Variants in BMPR1B observed in about 807,000 individuals in gnomAD.
BMPR1B encodes the protein bone morphogenetic protein receptor type-1B.
A neutral mutation model predicts 59.1 loss-of-function variants in BMPR1B; 12 were observed. The ratio of observed to expected loss-of-function variants is 0.20; its 90% confidence interval spans 0.13 to 0.33. The LOEUF (loss-of-function observed/expected upper bound fraction) is 0.33. Among genes scored for constraint, BMPR1B ranks in the 10% least tolerant of loss-of-function variants. The pLI, the probability that BMPR1B is intolerant of heterozygous loss-of-function variation, is 1.00. For missense variants in BMPR1B, 550 were observed against 610.9 expected (o/e 0.90, Z 1.05); for synonymous variants, 237 against 207.3 (o/e 1.14, Z -1.23).
chr4:94,790,590 A>C (rs929926561), intron 1 of BMPR1B, among the ~76,000 whole-genome samples: 3 of 152,160 alleles, frequency 2.0e-5, no homozygotes, highest in Non-Finnish European at 4.4e-5. Context: ...GATGTGTTGC[A>C]ATCTAGGGGA....
At chr4:95,116,421 G>GCGCGCGCGCGCGCGCGCACACA in intron 6 of BMPR1B, among the ~76,000 whole-genome samples, 5 of 123,196 alleles carry the variant, frequency 4.1e-5, no homozygotes, top group African/African-American at 1.8e-4. Context: ...TTCAGCGCGC[G>GCGCGCGCGCGCGCGCGCACACA]CACACACACA....
At chr4:94,931,902 GGA>G (rs1265627422) in intron 2 of BMPR1B, among the ~76,000 whole-genome samples, 1 of 151,982 alleles carries the variant, frequency 6.6e-6, no homozygotes, top group African/African-American at 2.4e-5. Context: ...GGTTGGTGGG[GGA>G]GTGTGAGGTG....
At chr4:95,031,026 A>G (rs1032331215) in intron 3 of BMPR1B, among the ~76,000 whole-genome samples, 28 of 151,996 alleles carry the variant, frequency 1.8e-4, no homozygotes, top group African/African-American at 6.5e-4. Flanking sequence ...ACTACTTTAA[A>G]GTTCATATGG....
chr4:94,828,593 T>C (rs987538620), intron 1 of BMPR1B, among the ~76,000 whole-genome samples: 1 of 152,188 alleles, frequency 6.6e-6, no homozygotes, highest in Admixed American at 6.5e-5. Context: ...ACTGAAATGT[T>C]AAGAGGGCAT....
chr4:95,005,502 C>G (rs1212248936), intron 3 of BMPR1B, among the ~76,000 whole-genome samples: 1 of 152,070 alleles, frequency 6.6e-6, no homozygotes, highest in African/African-American at 2.4e-5. Flanking sequence ...TTCAGACAGC[C>G]CACCCACCCA....
chr4:94,998,934 C>T (rs6843668), intron 3 of BMPR1B, among the ~76,000 whole-genome samples: 145,554 of 152,268 alleles, frequency 0.96, 69,598 homozygotes, highest in Middle Eastern at 0.99. Flanking sequence ...TTCAACATCT[C>T]CTATTTCTCA....
chr4:94,922,680 A>G (rs1464130970), intron 2 of BMPR1B, among the ~76,000 whole-genome samples: 1 of 152,132 alleles, frequency 6.6e-6, no homozygotes, highest in Non-Finnish European at 1.5e-5. Context: ...ATTAGTAAGC[A>G]TGCACTGACT....
At chr4:94,762,459 G>T (rs1281500676) in intron 1 of BMPR1B, among the ~76,000 whole-genome samples, 1 of 152,160 alleles carries the variant, frequency 6.6e-6, no homozygotes, top group Non-Finnish European at 1.5e-5. Context: ...ACCCCGTGAA[G>T]ATCTGAAAGA....
intron 3 of BMPR1B, among the ~76,000 whole-genome samples, chr4:95,044,789 G>A (rs1183602860): frequency 1.3e-5 from 2 of 152,158 alleles, no homozygotes; most frequent in Non-Finnish European, 2.9e-5. Flanking sequence ...GAGGCAGGAG[G>A]CAGCCTGAAA....
chr4:95,066,736 C>T (rs188456644), intron 3 of BMPR1B, among the ~76,000 whole-genome samples: 52 of 152,270 alleles, frequency 3.4e-4, no homozygotes, highest in Non-Finnish European at 5.7e-4. Flanking sequence ...TATTGGGTCT[C>T]AACTAAAATC....
intron 2 of BMPR1B, among the ~76,000 whole-genome samples, chr4:94,972,244 TTG>T (rs1730822128): frequency 6.6e-6 from 1 of 151,822 alleles, no homozygotes; most frequent in African/African-American, 2.4e-5. Context: ...AATATATAAT[TTG>T]TGTTCAATTT....
intron 1 of BMPR1B, among the ~76,000 whole-genome samples, chr4:94,806,498 G>A (rs1449564161): frequency 6.6e-6 from 1 of 152,200 alleles, no homozygotes; most frequent in Non-Finnish European, 1.5e-5. Flanking sequence ...ACCTATCTCA[G>A]ATGGTTTTGG....
chr4:95,118,767 G>A lies in BMPR1B; in HGVS notation c.349+2980G>A, dbSNP rs939866822. On this transcript the variant is annotated intron_variant, in intron 6 of 12. Coordinates refer to ENST00000515059, the MANE Select transcript of BMPR1B (RefSeq NM_001203.3). ...TGTTAGTGCTCCGAGCACAGGTAAT[G>A]GCAGATTAAAACATGACCAGCGTGA... Among the ~76,000 whole-genome samples, 8 of 152,282 alleles carry A rather than the reference G, an allele frequency of 5.3e-5. 1 individual carries two copies. The highest frequency in any genetic ancestry group is 1.7e-4 in the African/African-American group (7 of 41,574).
chr4:94,907,233 A>C (rs918268263), intron 2 of BMPR1B, among the ~76,000 whole-genome samples: 1 of 152,112 alleles, frequency 6.6e-6, no homozygotes, highest in Non-Finnish European at 1.5e-5. Flanking sequence ...ATGAAGAGGC[A>C]TTGACTATAC....
chr4:95,118,233 C>T (rs1732214940), intron 6 of BMPR1B, among the ~76,000 whole-genome samples: 1 of 151,994 alleles, frequency 6.6e-6, no homozygotes, highest in African/African-American at 2.4e-5. Flanking sequence ...TTTGGGCCAG[C>T]TGTTTTGGGG....
intron 10 of BMPR1B, among the ~76,000 whole-genome samples, chr4:95,144,324 GC>G (rs1734474720): frequency 6.6e-6 from 1 of 151,932 alleles, no homozygotes; most frequent in Admixed American, 6.6e-5. Context: ...ACAGGCATGT[GC>G]CACCACACCC....
intron 1 of BMPR1B, among the ~76,000 whole-genome samples, chr4:94,789,991 C>T (rs28427211): frequency 0.32 from 48,203 of 151,950 alleles, 8,483 homozygotes; most frequent in African/African-American, 0.47. Flanking sequence ...CACTTCCACT[C>T]AATGAGTAGT....
At chr4:94,872,484 T>A (rs1430769321) in intron 1 of BMPR1B, among the ~76,000 whole-genome samples, 2 of 152,070 alleles carry the variant, frequency 1.3e-5, no homozygotes. Flanking sequence ...GAAGTATGAA[T>A]TTTTAAACCT....
chr4:94,946,046 A>G (rs1054666528), intron 2 of BMPR1B, among the ~76,000 whole-genome samples: 4 of 152,178 alleles, frequency 2.6e-5, no homozygotes, highest in African/African-American at 9.6e-5. Context: ...AAATTTTTAG[A>G]TGAATATCTT....
Sources: allele counts gnomAD v4.1 joint callset (sites outside exome capture counted in the v4.1 genomes callset), GRCh38; gene constraint gnomAD v4.1.1; transcripts MANE v1.5; gene names NCBI Gene and HGNC (gene_info 2026-07-23, HGNC 2026-07-21).